The following ATP8B4 variants were observed in gnomAD, a reference collection of about 807,000 sequenced individuals.
The protein encoded by ATP8B4 is ATPase phospholipid transporting 8B4 (putative).
A neutral mutation model predicts 145.6 loss-of-function variants in ATP8B4; 133 were observed. The observed-to-expected ratio is 0.91, with a 90% CI of 0.79 to 1.05. ATP8B4 has a LOEUF of 1.05. Ranked by LOEUF, ATP8B4 falls within the 50% of genes least tolerant of loss-of-function variation. ATP8B4 has a pLI of 0.00. For synonymous variants in ATP8B4, 507 were observed against 492.9 expected (o/e 1.03, Z -0.38); for missense variants, 1,458 against 1,425.2 (o/e 1.02, Z -0.37).
At chr15:50,160,835 C>T (rs1227572908) in intron 1 of ATP8B4, among the ~76,000 whole-genome samples, 1 of 151,946 alleles carries the variant, frequency 6.6e-6, no homozygotes, top group Non-Finnish European at 1.5e-5. Context: ...AGGAGAAGGA[C>T]TGTATATTCT....
chr15:50,089,597 C>A (rs1490485520), intron 2 of ATP8B4, among the ~76,000 whole-genome samples: 1 of 151,818 alleles, frequency 6.6e-6, no homozygotes, highest in Non-Finnish European at 1.5e-5. Flanking sequence ...GTCAGAATGG[C>A]AATTATTAAA....
At chr15:50,175,235 G>C (rs1329700266) in intron 1 of ATP8B4, among the ~76,000 whole-genome samples, 1 of 152,134 alleles carries the variant, frequency 6.6e-6, no homozygotes, top group Non-Finnish European at 1.5e-5. Context: ...ATTGGCTTAT[G>C]CAAGGATTTC....
At chr15:49,974,178 G>A (rs769511858) in intron 12 of ATP8B4, among the ~76,000 whole-genome samples, 34 of 150,634 alleles carry the variant, frequency 2.3e-4, no homozygotes, top group Non-Finnish European at 4.0e-4. Context: ...CGCCTCCCTG[G>A]TTCAAGCAAT....
chr15:49,942,417 G>A (rs2042231003), intron 14 of ATP8B4, among the ~76,000 whole-genome samples: 3 of 151,886 alleles, frequency 2.0e-5, no homozygotes, highest in Admixed American at 2.0e-4. Flanking sequence ...AACTTGGGGA[G>A]GAGGTATTTA....
chr15:49,982,936 C>G (rs1439524258), intron 10 of ATP8B4, among the ~76,000 whole-genome samples: 2 of 152,082 alleles, frequency 1.3e-5, no homozygotes, highest in Non-Finnish European at 2.9e-5. Flanking sequence ...GAAACATACT[C>G]TTCCTTTAGC....
intron 22 of ATP8B4, among the ~76,000 whole-genome samples, 169 bp downstream of exon 22, chr15:49,897,899 T>C (rs74945989): frequency 1.3e-5 from 2 of 152,296 alleles, no homozygotes; most frequent in East Asian, 3.9e-4. Context: ...CAAAGAAATT[T>C]TGTTACGAAT....
At chr15:50,052,834 C>T (rs2052295713) in intron 3 of ATP8B4, among the ~76,000 whole-genome samples, 1 of 152,090 alleles carries the variant, frequency 6.6e-6, no homozygotes, top group Non-Finnish European at 1.5e-5. Flanking sequence ...GAATTTTAGT[C>T]GTCCTTATTA....
chr15:49,908,237 T>C lies in ATP8B4; in HGVS notation c.2142-6998A>G, dbSNP rs183272705. On this transcript the variant is annotated intron_variant, in intron 20 of 27. Coordinates refer to ENST00000284509, the MANE Select transcript of ATP8B4 (RefSeq NM_024837.4). ...TGCATCTATCTTCCTTCAGCAAGAGTCAAGTTCTGAATGAGAGTGGTCCTT... is the reference window on the plus strand; with the variant it reads ...TGCATCTATCTTCCTTCAGCAAGAGCCAAGTTCTGAATGAGAGTGGTCCTT... The C allele has an allele frequency of 3.5e-4, 138 of 393,910 alleles. 1 individual carries two copies. Among genetic ancestry groups the C allele is most frequent in the Non-Finnish European group, 6.0e-4 (118 of 197,842 alleles). The allele number at this position is 393,910 out of a possible 1,614,324, so 24.4% of individuals were successfully genotyped here. A position where few individuals can be genotyped will look rare whatever the true frequency, so the allele number is the denominator to read the frequency against.
intron 1 of ATP8B4, among the ~76,000 whole-genome samples, chr15:50,137,952 C>T (rs1263079187): frequency 6.6e-6 from 1 of 152,198 alleles, no homozygotes; most frequent in African/African-American, 2.4e-5. Context: ...CACTTACCAA[C>T]TTAATTGTCA....
At chr15:50,158,316 C>T (rs573554084) in intron 1 of ATP8B4, among the ~76,000 whole-genome samples, 25 of 151,192 alleles carry the variant, frequency 1.7e-4, no homozygotes, top group Middle Eastern at 3.5e-3. Context: ...TGAGGAGCGT[C>T]TCTGCCCGGC....
At chr15:49,870,764 T>C (rs1469684810) in intron 25 of ATP8B4, among the ~76,000 whole-genome samples, 2 of 152,234 alleles carry the variant, frequency 1.3e-5, no homozygotes, top group East Asian at 3.8e-4. Flanking sequence ...TCTGGTATGG[T>C]AAAACAGACA....
intron 3 of ATP8B4, among the ~76,000 whole-genome samples, chr15:50,070,375 G>T (rs577985031): frequency 7.9e-5 from 12 of 152,208 alleles, no homozygotes; most frequent in African/African-American, 2.9e-4. Flanking sequence ...AGCTCATAGG[G>T]TTGTTGTATT....
At chr15:50,159,320 C>CTACT (rs2044480371) in intron 1 of ATP8B4, among the ~76,000 whole-genome samples, 1 of 152,114 alleles carries the variant, frequency 6.6e-6, no homozygotes, top group African/African-American at 2.4e-5. Flanking sequence ...TATAGAAATG[C>CTACT]TACTGATTTT....
chr15:50,148,208 GC>G (rs57920426), intron 1 of ATP8B4, among the ~76,000 whole-genome samples: 13,670 of 152,112 alleles, frequency 0.09, 758 homozygotes, highest in African/African-American at 0.15. Context: ...CAAAATACTG[GC>G]CTGGACTCCA....
chr15:49,934,575 T>C (rs1000787438), intron 14 of ATP8B4, among the ~76,000 whole-genome samples: 2 of 152,112 alleles, frequency 1.3e-5, no homozygotes, highest in Non-Finnish European at 2.9e-5. Flanking sequence ...GTTATGTATT[T>C]AATGATGGCT....
At chr15:49,998,808 C>G (rs1217757635) in intron 8 of ATP8B4, among the ~76,000 whole-genome samples, 1 of 152,170 alleles carries the variant, frequency 6.6e-6, no homozygotes, top group African/African-American at 2.4e-5. Flanking sequence ...ACATGAAGTC[C>G]TTGCCCATGC....
At chr15:49,901,049 G>A in intron 21 of ATP8B4, 43 bp downstream of exon 21, 1 of 1,594,284 alleles carries the variant, frequency 6.3e-7, no homozygotes, top group South Asian at 1.1e-5. Context: ...GATGATTATT[G>A]CAGTGAAGAA....
chr15:49,917,264 C>T, intron 19 of ATP8B4: 1 of 479,520 alleles, frequency 2.1e-6, no homozygotes, highest in Non-Finnish European at 3.7e-6. Context: ...CAAGTAGCAA[C>T]ACTAACGAAT....
intron 23 of ATP8B4, among the ~76,000 whole-genome samples, chr15:49,889,016 A>G (rs149578559): frequency 6.4e-4 from 97 of 152,120 alleles, no homozygotes; most frequent in African/African-American, 2.2e-3. Flanking sequence ...TCCTCCACAT[A>G]GTCATATTGA....
Sources: allele counts gnomAD v4.1 joint callset (sites outside exome capture counted in the v4.1 genomes callset), GRCh38; gene constraint gnomAD v4.1.1; transcripts MANE v1.5; gene names NCBI Gene and HGNC (gene_info 2026-07-23, HGNC 2026-07-21).